ESCO1: variants seen among roughly 807,000 people sequenced by gnomAD.
ESCO1 encodes establishment of sister chromatid cohesion N-acetyltransferase 1.
In ESCO1, 33 loss-of-function variants were observed where a neutral mutation model predicts 83.5. The observed-to-expected ratio is 0.40, with a 90% CI of 0.30 to 0.53. The LOEUF (loss-of-function observed/expected upper bound fraction) is 0.53. Ranked by LOEUF, ESCO1 falls within the 20% of genes least tolerant of loss-of-function variation. The pLI, the probability that ESCO1 is intolerant of heterozygous loss-of-function variation, is 0.63. For missense variants in ESCO1, 855 were observed against 968.0 expected (o/e 0.88, Z 1.55); for synonymous variants, 332 against 324.3 (o/e 1.02, Z -0.25).
At chr18:21,545,816 C>A (rs2037966740) in intron 8 of ESCO1, among the ~76,000 whole-genome samples, 1 of 151,772 alleles carries the variant, frequency 6.6e-6, no homozygotes, top group African/African-American at 2.4e-5. Flanking sequence ...GTAATCCCAG[C>A]TACTCGGGGG....
At chr18:21,538,576 A>T (rs927888812) in intron 9 of ESCO1, among the ~76,000 whole-genome samples, 1 of 152,212 alleles carries the variant, frequency 6.6e-6, no homozygotes, top group African/African-American at 2.4e-5. Flanking sequence ...ATCTAAAGTT[A>T]AGAATCAGAA....
At chr18:21,554,826 T>C (rs1339741810) in intron 8 of ESCO1, among the ~76,000 whole-genome samples, 1 of 152,044 alleles carries the variant, frequency 6.6e-6, no homozygotes, top group East Asian at 1.9e-4. Flanking sequence ...GAGAATCGCT[T>C]GAACCCGAGA....
chr18:21,560,929 G>C lies in ESCO1; in HGVS notation c.1883C>G (p.Ala628Gly). 1.2e-6 allele frequency: 2 copies of C among 1,608,910 alleles called. No homozygotes were observed. The highest frequency in any genetic ancestry group is 1.7e-6 in the Non-Finnish European group (2 of 1,178,302). Reference protein sequence around the residue: ...SCNVCGMLYTASNPEDETQHL... With the variant: ...SCNVCGMLYTGSNPEDETQHL... ...CTGTGTTTCATCTTCTGGATTTGAA[G>C]CTGTATACAGCATTCCACAAACATT... The change falls in exon 8 of 12, where the codon GCT (alanine) becomes GGT (glycine). Residue 628 changes from alanine to glycine, a missense_variant. By Grantham distance (60) the Ala-to-Gly change is moderately conservative. Coordinates refer to ENST00000269214, the MANE Select transcript of ESCO1 (RefSeq NM_052911.3).
chr18:21,551,020 G>A (rs2038039337), intron 8 of ESCO1, among the ~76,000 whole-genome samples: 1 of 151,092 alleles, frequency 6.6e-6, no homozygotes, highest in African/African-American at 2.4e-5. Flanking sequence ...GCTGAGGCAG[G>A]AGAATGGCAT....
intron 1 of ESCO1, among the ~76,000 whole-genome samples, chr18:21,590,369 G>A (rs971075288): frequency 1.1e-4 from 16 of 150,530 alleles, no homozygotes; most frequent in Non-Finnish European, 1.2e-4. Flanking sequence ...CTACAGGCAC[G>A]CGCCACCACA....
chr18:21,531,893 CAAAAAAAAAAA>C (rs10646843), intron 11 of ESCO1, among the ~76,000 whole-genome samples: 1 of 82,038 alleles, frequency 1.2e-5, no homozygotes, highest in Non-Finnish European at 2.2e-5. Context: ...GACTCCATCT[CAAAAAAAAAAA>C]AAAAAAAAAA....
Position 21,550,956 on chromosome 18 carries a change from C to G in ESCO1, c.1953+9903G>C, listed in dbSNP as rs1339072636. On this transcript the variant is annotated intron_variant, in intron 8 of 11. Coordinates refer to ENST00000269214, the MANE Select transcript of ESCO1 (RefSeq NM_052911.3). ...TGAAACCCCGCCTCTACTAAAAATA[C>G]AAAAAATTAGCCGGGCATGGTGGCA... Among the ~76,000 whole-genome samples the G allele has an allele frequency of 4.0e-5, 6 of 151,368 alleles. 1 individual carries two copies. The highest frequency in any genetic ancestry group is 6.8e-3 in the Middle Eastern group (2 of 294).
At chr18:21,546,576 T>C (rs1442654890) in intron 8 of ESCO1, among the ~76,000 whole-genome samples, 1 of 152,186 alleles carries the variant, frequency 6.6e-6, no homozygotes, top group Non-Finnish European at 1.5e-5. Flanking sequence ...AGACAGGGTC[T>C]CACTCTGTTG....
chr18:21,545,636 A>T (rs2037964184), intron 8 of ESCO1, among the ~76,000 whole-genome samples: 1 of 151,832 alleles, frequency 6.6e-6, no homozygotes, highest in Non-Finnish European at 1.5e-5. Flanking sequence ...TAATTTAAAA[A>T]GTTAAGTTGA....
chr18:21,572,527 T>C (rs2038354426), intron 4 of ESCO1, among the ~76,000 whole-genome samples: 1 of 152,214 alleles, frequency 6.6e-6, no homozygotes, highest in African/African-American at 2.4e-5. Flanking sequence ...TATTTATACC[T>C]CTCAGACAGA....
At position 21,577,495 on chromosome 18, in the gene ESCO1, C is replaced by T. The variant is rs149556195; in HGVS notation, c.-693-1718G>A. On this transcript the variant is annotated intron_variant, in intron 2 of 11. Coordinates refer to ENST00000269214, the MANE Select transcript of ESCO1 (RefSeq NM_052911.3). ...CTAACATGGTGAAACCCCGTCTCTA[C>T]TAAAAATACAAAAAATTAGCTGGGT... 9.6e-3 allele frequency among the ~76,000 whole-genome samples: 1,449 copies of T among 150,334 alleles called. 24 individuals are homozygous for T. The highest frequency in any genetic ancestry group is 0.033 in the African/African-American group (1,366 of 40,884).
chr18:21,589,641 A>G (rs2038634056), intron 1 of ESCO1, among the ~76,000 whole-genome samples: 1 of 152,170 alleles, frequency 6.6e-6, no homozygotes, highest in South Asian at 2.1e-4. Context: ...GTGCAAATTC[A>G]GAAAGCCATC....
At chr18:21,580,944 C>T (rs962529762) in intron 2 of ESCO1, among the ~76,000 whole-genome samples, 2 of 152,148 alleles carry the variant, frequency 1.3e-5, no homozygotes, top group East Asian at 1.9e-4. Context: ...AAGCTGAGAT[C>T]GCGCCATTGC....
At position 21,529,408 on chromosome 18, in the gene ESCO1, G is replaced by C. The variant is rs1598971773; in HGVS notation, c.*935C>G. The stretch of plus-strand genomic sequence containing the variant: ...CATATAAACCCTTTAAAAGTAGAGG[G>C]CACTATGAAGGATAGACAAGTATCA... On this transcript the variant is annotated 3_prime_UTR_variant, in exon 12 of 12. Transcript: ENST00000269214. 6.6e-6 allele frequency: 1 copy of C among 152,316 alleles called. No individual in the cohort carries two copies. Among genetic ancestry groups the C allele is most frequent in the South Asian group, 2.1e-4 (1 of 4,822 alleles). The allele number at this position is 152,316 out of a possible 1,614,324, so 9.4% of individuals were successfully genotyped here.
Position 21,573,347 on chromosome 18 carries a change from C to T in ESCO1, c.1497G>A (p.Gln499=). 6.3e-7 allele frequency: 1 copy of T among 1,582,448 alleles called. No individual in the cohort carries two copies. The highest frequency in any genetic ancestry group is 1.4e-5 in the African/African-American group (1 of 72,858). The change falls in exon 4 of 12, where the codon CAG becomes CAA. Residue 499 remains glutamine (Q), a synonymous_variant. Coordinates refer to ENST00000269214, the MANE Select transcript of ESCO1 (RefSeq NM_052911.3). The part of the protein sequence containing the change: ...IKPSDPPLDN[Q]MKHSFDSASN... ...ATGCTGAATCAAAAGAATGTTTCAT[C>T]TGATTATCCAATGGTGGGTCAGAAG... is the stretch of plus-strand genomic sequence containing the variant.
chr18:21,558,326 T>C (rs2038138740), intron 8 of ESCO1, among the ~76,000 whole-genome samples: 1 of 152,234 alleles, frequency 6.6e-6, no homozygotes, highest in African/African-American at 2.4e-5. Context: ...TTTAACCTTT[T>C]GAAAATACGA....
intron 8 of ESCO1, among the ~76,000 whole-genome samples, chr18:21,547,372 A>T (rs2146182637): frequency 6.6e-6 from 1 of 152,016 alleles, no homozygotes; most frequent in Admixed American, 6.6e-5. Flanking sequence ...AAAAAAACTA[A>T]AGAGAAAAAG....
At position 21,575,411 on chromosome 18, in the gene ESCO1, T is replaced by C. The variant is rs2038406549; in HGVS notation, c.-568A>G. 2.5e-6 allele frequency: 1 copy of C among 398,102 alleles called. No homozygotes were observed. The allele number at this position is 398,102 out of a possible 1,614,324, so 24.7% of individuals were successfully genotyped here. On this transcript the variant is annotated 5_prime_UTR_variant, in exon 4 of 12. Transcript: ENST00000269214. ...AACAAAATATTCTATTAATATAGAT[T>C]TCCTTTTGTGCTGCCGTTTCTGAAA...
intron 9 of ESCO1, among the ~76,000 whole-genome samples, chr18:21,538,364 G>C (rs571539333): frequency 6.6e-6 from 1 of 151,170 alleles, no homozygotes; most frequent in South Asian, 2.1e-4. Flanking sequence ...CTACTACACT[G>C]TTCGTGGGTC....
Sources: allele counts gnomAD v4.1 joint callset (sites outside exome capture counted in the v4.1 genomes callset), GRCh38; gene constraint gnomAD v4.1.1; transcripts MANE v1.5; gene names NCBI Gene and HGNC (gene_info 2026-07-23, HGNC 2026-07-21).